The following ZMIZ1 variants were observed in gnomAD, a reference collection of about 807,000 sequenced individuals.
ZMIZ1 encodes zinc finger MIZ-type containing 1.
ZMIZ1 carries 17 observed loss-of-function variants against 113.9 expected under a neutral mutation model. The ratio of observed to expected loss-of-function variants is 0.15; its 90% CI spans 0.10 to 0.22. The LOEUF is 0.22. ZMIZ1 is among the 10% of genes least tolerant of loss of function. The pLI, the probability that ZMIZ1 is intolerant of heterozygous loss-of-function variation, is 1.00. For synonymous variants in ZMIZ1, 607 were observed against 603.1 expected, an observed-to-expected ratio of 1.01 and a Z score of -0.09; for missense variants, 1,059 against 1,477.8, an observed-to-expected ratio of 0.72 and a Z score of 4.65.
chr10:79,302,055 GC>G, intron 17 of ZMIZ1, 51 bp from the exon 18 acceptor site: 2 of 1,584,620 alleles, frequency 1.3e-6, no homozygotes, highest in Non-Finnish European at 1.7e-6. Flanking sequence ...TGCAGGCAGG[GC>G]GGGGTGTGGG....
chr10:79,306,361 A>C lies in ZMIZ1; in HGVS notation c.2668+17A>C, dbSNP rs961382093. 1 of 1,603,412 alleles carries C rather than the reference A, an allele frequency of 6.2e-7. No homozygotes were observed. Among genetic ancestry groups the C allele is most frequent in the Non-Finnish European group, 8.5e-7 (1 of 1,179,006 alleles). On this transcript the variant is annotated intron_variant, in intron 22 of 24. Transcript: ENST00000334512. ...GCAGCCAAGGTGGGTGATGCCAGGC[A>C]GGGAGGAAGGGAGAAGGAGGGCAGC... is the stretch of plus-strand genomic sequence containing the variant.
chr10:79,276,792 TG>T (rs1852321167), intron 7 of ZMIZ1, among the ~76,000 whole-genome samples: 1 of 152,052 alleles, frequency 6.6e-6, no homozygotes, highest in African/African-American at 2.4e-5. Context: ...TCTGGGGTGG[TG>T]GGCAGCTGCT....
In ZMIZ1 at chr10:79,296,793, A is replaced by G. The variant is rs573916495; in HGVS notation, c.1413+140A>G. On this transcript the variant is annotated intron_variant, in intron 13 of 24. Coordinates refer to ENST00000334512, the MANE Select transcript of ZMIZ1 (RefSeq NM_020338.4). The surrounding 1 kb of genome is among the most constrained non-coding windows in gnomAD (Gnocchi z 4.1). Reference sequence around the variant, plus strand: ...GGGTGGGTGATTTCTGAACGTCCCCATGTGTTCAGGGCGAAGTTCGGTGGC... The same window carrying G: ...GGGTGGGTGATTTCTGAACGTCCCCGTGTGTTCAGGGCGAAGTTCGGTGGC... 4.1e-5 allele frequency: 33 copies of G among 808,608 alleles called. No homozygotes were observed. In the African/African-American group the frequency reaches 4.9e-4, roughly 12 times the overall value. The allele number at this position is 808,608 out of a possible 1,614,324, so 50.1% of individuals were successfully genotyped here.
intron 7 of ZMIZ1, among the ~76,000 whole-genome samples, chr10:79,275,257 C>G (rs1718400310): frequency 6.6e-6 from 1 of 152,234 alleles, no homozygotes; most frequent in Admixed American, 6.5e-5. Flanking sequence ...ACACACATGA[C>G]AGAGGAGAGT....
Position 79,313,391 on chromosome 10 carries a change from C to CA in ZMIZ1, c.*643dup, listed in dbSNP as rs2132120731. ...AGCCAAGATACCCCATAAACACACT[C>CA]AGAAAGCAGAGAAAAAGGACAAGAG... On this transcript the variant is annotated 3_prime_UTR_variant, in exon 25 of 25. Transcript: ENST00000334512. 1 of 156,000 alleles carries CA rather than the reference C, an allele frequency of 6.4e-6. No individual in the cohort carries two copies. Among genetic ancestry groups the CA allele is most frequent in the East Asian group, 1.9e-4 (1 of 5,268 alleles). The allele number at this position is 156,000 out of a possible 1,614,324, so 9.7% of individuals were successfully genotyped here.
chr10:79,241,430 T>C (rs1268899497), intron 7 of ZMIZ1, among the ~76,000 whole-genome samples: 2 of 151,980 alleles, frequency 1.3e-5, no homozygotes, highest in African/African-American at 4.8e-5. Flanking sequence ...GGAGATGAGA[T>C]GGAGGTGAGG....
chr10:79,150,139 T>C (rs1845653440), intron 3 of ZMIZ1, among the ~76,000 whole-genome samples: 1 of 152,128 alleles, frequency 6.6e-6, no homozygotes, highest in Non-Finnish European at 1.5e-5. Flanking sequence ...GAGCCAGGGA[T>C]GAGGCGAAAC....
intron 7 of ZMIZ1, among the ~76,000 whole-genome samples, chr10:79,228,716 G>A (rs1175310351): frequency 6.6e-6 from 1 of 152,226 alleles, no homozygotes; most frequent in African/African-American, 2.4e-5. Flanking sequence ...CCATTTCAGT[G>A]TTCCCTGAGT....
At chr10:79,232,338 T>C (rs557918542) in intron 7 of ZMIZ1, among the ~76,000 whole-genome samples, 2 of 152,112 alleles carry the variant, frequency 1.3e-5, no homozygotes, top group South Asian at 4.2e-4. Context: ...AGATGGCTGG[T>C]ATGGGAAGGA....
At chr10:79,093,171 C>CACACAT (rs773591663) in intron 1 of ZMIZ1, among the ~76,000 whole-genome samples, 3 of 142,442 alleles carry the variant, frequency 2.1e-5, no homozygotes, top group African/African-American at 5.3e-5. Context: ...CACACACACA[C>CACACAT]ACACATATTC....
intron 22 of ZMIZ1, 143 bp downstream of exon 22, chr10:79,306,487 C>G: frequency 7.1e-7 from 1 of 1,401,756 alleles, no homozygotes; most frequent in Non-Finnish European, 9.6e-7. Flanking sequence ...AAAAACAATT[C>G]CCAGTTTGCT....
At chr10:79,234,414 C>T (rs912876002) in intron 7 of ZMIZ1, among the ~76,000 whole-genome samples, 1 of 152,090 alleles carries the variant, frequency 6.6e-6, no homozygotes, top group Non-Finnish European at 1.5e-5. Flanking sequence ...GCACCTTTCC[C>T]AGGGAAAAGG....
At chr10:79,098,597 C>A (rs1843250363) in intron 1 of ZMIZ1, among the ~76,000 whole-genome samples, 1 of 152,220 alleles carries the variant, frequency 6.6e-6, no homozygotes, top group Non-Finnish European at 1.5e-5. Flanking sequence ...GCTCAGTGAA[C>A]CCACCAGTCA....
At chr10:79,146,462 A>C (rs1845488586) in intron 3 of ZMIZ1, among the ~76,000 whole-genome samples, 1 of 152,180 alleles carries the variant, frequency 6.6e-6, no homozygotes, top group South Asian at 2.1e-4. Context: ...AAAGGCTATA[A>C]TATACCATGG....
At position 79,263,164 on chromosome 10, in the gene ZMIZ1, C is replaced by T. The variant is rs182528673; in HGVS notation, c.281-14017C>T. 2.0e-5 allele frequency among the ~76,000 whole-genome samples: 3 copies of T among 152,368 alleles called. No individual in the cohort carries two copies. In the East Asian group the frequency reaches 5.8e-4, roughly 29 times the overall value. On this transcript the variant is annotated intron_variant, in intron 7 of 24. Coordinates refer to ENST00000334512, the MANE Select transcript of ZMIZ1 (RefSeq NM_020338.4). ...GCGCAGTGACAGAGATGGTGCCATGCGCTCCTGAGCTTACAACACGTGTTT... is the reference window on the plus strand; with the variant it reads ...GCGCAGTGACAGAGATGGTGCCATGTGCTCCTGAGCTTACAACACGTGTTT...
intron 7 of ZMIZ1, among the ~76,000 whole-genome samples, chr10:79,253,952 C>T (rs1440777487): frequency 6.6e-6 from 1 of 152,224 alleles, no homozygotes; most frequent in Non-Finnish European, 1.5e-5. Context: ...GCACCCCACC[C>T]TTGGGGTTTT....
chr10:79,294,951 G>GGC (rs1564592599), intron 12 of ZMIZ1: 1 of 141,820 alleles, frequency 7.1e-6, no homozygotes, highest in Non-Finnish European at 1.5e-5. Flanking sequence ...GAGGGGGGGG[G>GGC]GTCAGGGGCT....
At chr10:79,138,889 T>TA (rs1200392971) in intron 2 of ZMIZ1, among the ~76,000 whole-genome samples, 2 of 151,378 alleles carry the variant, frequency 1.3e-5, no homozygotes, top group Non-Finnish European at 2.9e-5. Flanking sequence ...TATTGGAGCT[T>TA]AAAAAAAAAG....
intron 7 of ZMIZ1, among the ~76,000 whole-genome samples, chr10:79,261,572 G>A (rs1851274173): frequency 1.3e-5 from 2 of 152,200 alleles, no homozygotes; most frequent in Admixed American, 1.3e-4. Flanking sequence ...CCTAGAGCCG[G>A]CAGTGAGGCG....
Sources: allele counts gnomAD v4.1 joint callset (sites outside exome capture counted in the v4.1 genomes callset), GRCh38; gene constraint gnomAD v4.1.1; non-coding constraint Gnocchi (gnomAD v3.1); transcripts MANE v1.5; gene names NCBI Gene and HGNC (gene_info 2026-07-23, HGNC 2026-07-21).